SLC35F4: variants seen among roughly 807,000 people sequenced by gnomAD.
The protein encoded by SLC35F4 is solute carrier family 35 member F4, also known as chromosome 14 open reading frame 36.
A neutral mutation model predicts 44.2 loss-of-function variants in SLC35F4; 24 were observed. The observed-to-expected ratio is 0.54, with a 90% CI of 0.39 to 0.76. SLC35F4 has a LOEUF of 0.76. Ranked by LOEUF, SLC35F4 falls within the 30% of genes least tolerant of loss-of-function variation. The pLI is 0.00. For synonymous variants in SLC35F4, 238 were observed against 223.6 expected, an observed-to-expected ratio of 1.06 and a Z score of -0.57; for missense variants, 562 against 586.1, an observed-to-expected ratio of 0.96 and a Z score of 0.42.
At chr14:57,721,472 AC>A (rs2076084213) in intron 1 of SLC35F4, among the ~76,000 whole-genome samples, 2 of 152,210 alleles carry the variant, frequency 1.3e-5, no homozygotes, top group Admixed American at 1.3e-4. Flanking sequence ...AGAAACAGAT[AC>A]TGACCCTCAA....
At chr14:57,849,267 T>C (rs1595207534) in intron 1 of SLC35F4, among the ~76,000 whole-genome samples, 1 of 152,220 alleles carries the variant, frequency 6.6e-6, no homozygotes, top group East Asian at 1.9e-4. Flanking sequence ...GTTCAAGCGA[T>C]CCTGCTGCCT....
chr14:57,758,009 G>A (rs1487895913), intron 1 of SLC35F4, among the ~76,000 whole-genome samples: 2 of 136,160 alleles, frequency 1.5e-5, no homozygotes, highest in African/African-American at 3.1e-5. Context: ...TCATGTGTGT[G>A]TGTGTGTGTG....
chr14:57,859,292 C>T (rs1887470109), intron 1 of SLC35F4, among the ~76,000 whole-genome samples: 1 of 152,018 alleles, frequency 6.6e-6, no homozygotes, highest in Non-Finnish European at 1.5e-5. Context: ...CAATATAGAC[C>T]AACGAGATAA....
intron 1 of SLC35F4, among the ~76,000 whole-genome samples, chr14:57,820,269 C>T (rs1883026045): frequency 6.6e-6 from 1 of 152,008 alleles, no homozygotes; most frequent in Non-Finnish European, 1.5e-5. Context: ...ACTGTTCAGC[C>T]CAAATGTAAA....
chr14:57,705,721 C>T (rs912731886), intron 1 of SLC35F4, among the ~76,000 whole-genome samples: 2 of 152,156 alleles, frequency 1.3e-5, no homozygotes, highest in Non-Finnish European at 2.9e-5. Context: ...AATGTTTCAC[C>T]ATCCCTTACT....
intron 1 of SLC35F4, among the ~76,000 whole-genome samples, chr14:57,837,842 A>G (rs1885088245): frequency 6.6e-6 from 1 of 152,202 alleles, no homozygotes; most frequent in African/African-American, 2.4e-5. Flanking sequence ...TTTTCAGAAT[A>G]CTGCTCACCT....
chr14:57,835,648 C>A (rs1884843740), intron 1 of SLC35F4, among the ~76,000 whole-genome samples: 1 of 152,134 alleles, frequency 6.6e-6, no homozygotes. Context: ...AGAGGAATGA[C>A]CCCTGCCCAG....
At chr14:57,755,723 T>C (rs994054) in intron 1 of SLC35F4, among the ~76,000 whole-genome samples, 1 of 121,688 alleles carries the variant, frequency 8.2e-6, no homozygotes, top group Admixed American at 8.3e-5. Flanking sequence ...CTTCATAGTT[T>C]ACTGCAGTTT....
chr14:57,694,776 T>C (rs187841612), intron 1 of SLC35F4, among the ~76,000 whole-genome samples: 10 of 152,294 alleles, frequency 6.6e-5, no homozygotes, highest in African/African-American at 2.2e-4. Context: ...TCAGATTTAT[T>C]CTTATTTGAT....
intron 1 of SLC35F4, among the ~76,000 whole-genome samples, chr14:57,842,772 G>A (rs1201950543): frequency 6.6e-6 from 1 of 152,166 alleles, no homozygotes; most frequent in African/African-American, 2.4e-5. Context: ...TGGATTGAAG[G>A]ATGCAAAGTA....
At chr14:57,809,695 T>C (rs1015765462) in intron 1 of SLC35F4, among the ~76,000 whole-genome samples, 11 of 152,252 alleles carry the variant, frequency 7.2e-5, no homozygotes, top group Non-Finnish European at 1.2e-4. Flanking sequence ...TGTTCATCTG[T>C]GATTCCCTTA....
intron 1 of SLC35F4, among the ~76,000 whole-genome samples, chr14:57,956,278 C>CA (rs1890235960): frequency 6.6e-6 from 1 of 151,996 alleles, no homozygotes; most frequent in Non-Finnish European, 1.5e-5. Context: ...ACACCTTATA[C>CA]AAAAAATTAG....
At chr14:57,614,032 T>C (rs2071664875) in intron 1 of SLC35F4, among the ~76,000 whole-genome samples, 1 of 152,206 alleles carries the variant, frequency 6.6e-6, no homozygotes, top group Admixed American at 6.5e-5. Flanking sequence ...GCATATACCA[T>C]AGGCAGTTTC....
chr14:57,865,048 C>A (rs1888005479), intron 1 of SLC35F4, among the ~76,000 whole-genome samples: 1 of 141,364 alleles, frequency 7.1e-6, no homozygotes. Context: ...CTGTCGCCTC[C>A]CCTTCTCAGA....
At chr14:57,759,722 C>A (rs2077078810) in intron 1 of SLC35F4, among the ~76,000 whole-genome samples, 1 of 152,084 alleles carries the variant, frequency 6.6e-6, no homozygotes, top group Non-Finnish European at 1.5e-5. Flanking sequence ...CAGTGCTACC[C>A]TAATAGGTAT....
chr14:57,693,401 G>A (rs1053396806), intron 1 of SLC35F4, among the ~76,000 whole-genome samples: 1 of 152,028 alleles, frequency 6.6e-6, no homozygotes, highest in Non-Finnish European at 1.5e-5. Flanking sequence ...GGAAGGTTGT[G>A]GGTTTACCGG....
At chr14:57,573,614 G>A (rs1189340623) in intron 4 of SLC35F4, among the ~76,000 whole-genome samples, 1 of 152,160 alleles carries the variant, frequency 6.6e-6, no homozygotes, top group African/African-American at 2.4e-5. Context: ...TACACACAGT[G>A]AGGGGGTTAT....
intron 1 of SLC35F4, among the ~76,000 whole-genome samples, chr14:57,672,166 A>T (rs939520481): frequency 6.6e-6 from 1 of 152,076 alleles, no homozygotes; most frequent in Admixed American, 6.5e-5. Flanking sequence ...TCACCTCATG[A>T]TCACTCGCAG....
intron 1 of SLC35F4, among the ~76,000 whole-genome samples, chr14:57,955,258 ACT>A (rs1173187452): frequency 2.0e-5 from 3 of 152,124 alleles, no homozygotes; most frequent in South Asian, 4.2e-4. Context: ...CATGCTAAAA[ACT>A]CTCAATAAAC....
Sources: allele counts gnomAD v4.1 joint callset (sites outside exome capture counted in the v4.1 genomes callset), GRCh38; gene constraint gnomAD v4.1.1; transcripts MANE v1.5; gene names NCBI Gene and HGNC (gene_info 2026-07-23, HGNC 2026-07-21).